Variants in ZNF85 observed in about 807,000 individuals in gnomAD.
ZNF85 encodes zinc finger protein 85 (HPF4, HTF1).
ZNF85 carries 50 observed loss-of-function variants against 53.9 expected under a neutral mutation model. That is an observed-to-expected ratio of 0.93 (90% CI 0.74 to 1.17). The LOEUF (loss-of-function observed/expected upper bound fraction) is 1.17. ZNF85 is among the 50% of genes most tolerant of loss of function. The pLI is 0.00. For synonymous variants in ZNF85, 225 were observed against 226.1 expected (o/e 1.00, Z 0.04); for missense variants, 747 against 688.5 (o/e 1.08, Z -0.95).
In ZNF85 at chr19:20,950,067, C is replaced by G. The variant is rs1047456385; in HGVS notation, c.1553C>G (p.Ala518Gly). 4 of 1,613,060 alleles carry G rather than the reference C, an allele frequency of 2.5e-6. No individual in the cohort carries two copies. The highest frequency in any genetic ancestry group is 3.4e-6 in the Non-Finnish European group (4 of 1,179,758). The change falls in exon 4 of 4, where the codon GCT (alanine) becomes GGT (glycine). Residue 518 changes from alanine (A) to glycine (G), a missense_variant. Physicochemically the swap from Ala to Gly is moderately conservative, Grantham distance 60 (BLOSUM62 0). Transcript: ENST00000328178. ...TACAAATGTGAAGAATGTGGCAAAG[C>G]TTTTAACCAATCCTCAAAACTTACC... ...KPYKCEECGK[A>G]FNQSSKLTKH...
Position 20,937,127 on chromosome 19 carries a change from C to G in ZNF85, c.229+2080C>G, listed in dbSNP as rs139368034. ...GGCTCACTGCAACCTCCGCCTCCTG[C>G]GTTCAAGTATTCCCCTGCCTCAGCC... On this transcript the variant is annotated intron_variant, in intron 3 of 3. Transcript: ENST00000328178. 2,369 of 279,692 alleles carry G rather than the reference C, an allele frequency of 8.5e-3. 38 individuals carry two copies. The highest frequency in any genetic ancestry group is 0.033 in the African/African-American group (1,459 of 44,216). The allele number at this position is 279,692 out of a possible 1,614,324, so 17.3% of individuals were successfully genotyped here.
In ZNF85 at chr19:20,935,071, C is replaced by T. The variant is rs369909101; in HGVS notation, c.229+24C>T. 1.3e-4 allele frequency: 195 copies of T among 1,523,942 alleles called. 1 individual carries two copies. The highest frequency in any genetic ancestry group is 1.7e-4 in the Non-Finnish European group (183 of 1,103,870). 94.4% of individuals were successfully genotyped at this position (1,523,942 alleles called of 1,614,324 possible). ...AGGTAGGTGAAAGTGAAAATGAATA[C>T]AGCAGATGACACATGAGAGGTCCAA... On this transcript the variant is annotated intron_variant, in intron 3 of 3. Transcript: ENST00000328178.
intron 1 of ZNF85, among the ~76,000 whole-genome samples, chr19:20,930,797 A>T (rs1304667471): frequency 6.6e-6 from 1 of 152,070 alleles, no homozygotes; most frequent in Non-Finnish European, 1.5e-5. Context: ...TTAGAGACAG[A>T]GTTTCGCTCT....
rs748777588 is a variant in ZNF85, at chr19:20,923,382, AC to A, written c.-14del. The A allele has an allele frequency of 6.2e-7, 1 of 1,613,856 alleles. No homozygotes were observed. Among genetic ancestry groups the A allele is most frequent in the Non-Finnish European group, 8.5e-7 (1 of 1,179,946 alleles). ...GGAGATCCACAGCTAAGACGCCGGG[AC>A]CCCCTGGAAGCCTAGAAATGGTGAG... On this transcript the variant is annotated 5_prime_UTR_variant, in exon 1 of 4. Transcript: ENST00000328178.
Position 20,941,001 on chromosome 19 carries a change from C to T in ZNF85, c.229+5954C>T, listed in dbSNP as rs1184322092. ...CTCCCAGGTTCTGTGTTGCATAGTT[C>T]GGATATACATTCATAAATGTGATTG... On this transcript the variant is annotated intron_variant, in intron 3 of 3. Coordinates refer to ENST00000328178, the MANE Select transcript of ZNF85 (RefSeq NM_003429.5). Among the ~76,000 whole-genome samples the T allele has an allele frequency of 3.3e-5, 5 of 151,896 alleles. No homozygotes were observed. The East Asian group carries it at 9.6e-4, about 29-fold the overall frequency.
intron 3 of ZNF85, among the ~76,000 whole-genome samples, chr19:20,936,109 T>C (rs1973152491): frequency 6.6e-6 from 1 of 152,204 alleles, no homozygotes; most frequent in African/African-American, 2.4e-5. Flanking sequence ...TAGTTTGTTT[T>C]ATGTATATGG....
At chr19:20,923,429 G>C in intron 1 of ZNF85, 26 bp downstream of exon 1, 1 of 1,613,998 alleles carries the variant, frequency 6.2e-7, no homozygotes, top group Non-Finnish European at 8.5e-7. Context: ...CCGCCATCCC[G>C]AGGGGGAAAG....
chr19:20,933,890 GT>G, intron 1 of ZNF85, 133 bp from the exon 2 acceptor site: 1 of 961,024 alleles, frequency 1.0e-6, no homozygotes, highest in Non-Finnish European at 1.4e-6. Flanking sequence ...GTCAGAAACA[GT>G]TACCTGTACT....
intron 3 of ZNF85, among the ~76,000 whole-genome samples, chr19:20,941,867 G>A (rs559661199): frequency 2.4e-3 from 366 of 152,080 alleles, no homozygotes; most frequent in Non-Finnish European, 4.1e-3. Context: ...TAGGAAAATA[G>A]TGCCAAGACA....
intron 3 of ZNF85, chr19:20,946,202 G>C (rs1973415615): frequency 3.6e-6 from 1 of 276,446 alleles, no homozygotes; most frequent in Non-Finnish European, 7.0e-6. Context: ...CATCTTTACA[G>C]CATTAATTAT....
Sources: allele counts gnomAD v4.1 joint callset (sites outside exome capture counted in the v4.1 genomes callset), GRCh38; gene constraint gnomAD v4.1.1; transcripts MANE v1.5; gene names NCBI Gene and HGNC (gene_info 2026-07-23, HGNC 2026-07-21).